The following PDCD5 variants were observed in gnomAD, a reference collection of about 807,000 sequenced individuals.
PDCD5 encodes the protein programmed cell death protein 5.
In PDCD5, 23 loss-of-function variants were observed where a neutral mutation model predicts 21.9. The ratio of observed to expected loss-of-function variants is 1.05; its 90% CI spans 0.76 to 1.49. The LOEUF (loss-of-function observed/expected upper bound fraction) is 1.49, where lower values mean the gene tolerates loss of function less well. Among genes scored for constraint, PDCD5 ranks in the 40% most tolerant of loss-of-function variants. The pLI, the probability that PDCD5 is intolerant of heterozygous loss-of-function variation, is 0.00. For missense variants in PDCD5, 152 were observed against 147.7 expected (o/e 1.03, Z -0.15); for synonymous variants, 45 against 49.4 (o/e 0.91, Z 0.37).
intron 2 of PDCD5, among the ~76,000 whole-genome samples, chr19:32,584,351 AAAG>A (rs1307220859): frequency 2.0e-5 from 3 of 152,194 alleles, no homozygotes; most frequent in South Asian, 4.1e-4. Context: ...TTGAAAGAAA[AAAG>A]AAACAAGTCC....
chr19:32,586,094 T>C (rs1313001080), intron 4 of PDCD5, 187 bp downstream of exon 4: 2 of 1,537,044 alleles, frequency 1.3e-6, no homozygotes, highest in South Asian at 2.4e-5. Context: ...TCTGCTTCGC[T>C]CCTTTCCTGG....
chr19:32,584,844 G>A (rs1971460840), intron 2 of PDCD5, 106 bp from the exon 3 acceptor site: 11 of 838,570 alleles, frequency 1.3e-5, no homozygotes, highest in South Asian at 6.7e-5. Context: ...TTTGTATACC[G>A]CAGGCCCCAT....
chr19:32,584,036 T>G (rs936319102), intron 2 of PDCD5, among the ~76,000 whole-genome samples: 4 of 151,642 alleles, frequency 2.6e-5, no homozygotes, highest in African/African-American at 9.7e-5. Flanking sequence ...TTCACCATGT[T>G]GGCCAGGCTG....
At chr19:32,584,137 C>A (rs1380613024) in intron 2 of PDCD5, among the ~76,000 whole-genome samples, 4 of 152,142 alleles carry the variant, frequency 2.6e-5, no homozygotes, top group South Asian at 2.1e-4. Flanking sequence ...TGGCCTAGAC[C>A]CCATCTCTTA....
At chr19:32,584,289 T>G (rs1385456768) in intron 2 of PDCD5, among the ~76,000 whole-genome samples, 2 of 152,212 alleles carry the variant, frequency 1.3e-5, no homozygotes, top group African/African-American at 4.8e-5. Context: ...CCCTCTCAGT[T>G]GAGCCAAAGC....
chr19:32,586,677 A>G, intron 4 of PDCD5, 181 bp from the exon 5 acceptor site: 1 of 1,312,620 alleles, frequency 7.6e-7, no homozygotes, highest in Non-Finnish European at 9.7e-7. Flanking sequence ...TAGCAGAGCA[A>G]ATTTTATTTG....
chr19:32,586,146 G>C (rs1971474258), intron 4 of PDCD5: 1 of 1,482,380 alleles, frequency 6.7e-7, no homozygotes, highest in Non-Finnish European at 8.9e-7. Context: ...CCCAATGACT[G>C]TTAGGGTCAG....
chr19:32,586,217 A>G, intron 4 of PDCD5: 2 of 1,441,856 alleles, frequency 1.4e-6, no homozygotes, highest in Non-Finnish European at 1.8e-6. Flanking sequence ...TTAAAATACT[A>G]CCAGTGTAAG....
rs756372501 is a variant in PDCD5 at position 32,584,960 on chromosome 19, A to G, written c.115A>G (p.Met39Val). ...ATGTTTTCGTTGTAGGGAAGCAGAAATGAGAAACAGTATCTTAGCCCAAGT... is the reference window on the plus strand; with the variant it reads ...ATGTTTTCGTTGTAGGGAAGCAGAAGTGAGAAACAGTATCTTAGCCCAAGT... ...QQEAKHREAE[M>V]RNSILAQVLD... Residue 39 changes from methionine to valine, a missense_variant, in exon 3 of 6, where the codon ATG (methionine) becomes GTG (valine). Transcript: ENST00000590247. 2.5e-6 allele frequency: 4 copies of G among 1,613,832 alleles called. No individual in the cohort carries two copies. In the South Asian group the frequency reaches 3.3e-5, roughly 13 times the overall value.
Position 32,581,450 on chromosome 19 carries a change from C to T in PDCD5, c.66+123C>T, listed in dbSNP as rs924518757. ...CCCGGGGCCCCGGTCCCCTGCGCTG[C>T]CCTGGCGGCCTCGTGGCCGGCTCAG... On this transcript the variant is annotated intron_variant, in intron 1 of 5. Transcript: ENST00000590247. 8 of 514,342 alleles carry T rather than the reference C, an allele frequency of 1.6e-5. No homozygotes were observed. In the African/African-American group the frequency reaches 1.6e-4, roughly 10 times the overall value. The allele number at this position is 514,342 out of a possible 1,614,324, so 31.9% of individuals were successfully genotyped here. A position where few individuals can be genotyped will look rare whatever the true frequency, so the allele number is the denominator to read the frequency against.
chr19:32,582,309 G>T, intron 2 of PDCD5, 77 bp downstream of exon 2: 1 of 1,277,860 alleles, frequency 7.8e-7, no homozygotes, highest in Non-Finnish European at 1.1e-6. Flanking sequence ...ATTTTAAGCA[G>T]GTGTGTGACT....
intron 1 of PDCD5, chr19:32,581,615 G>T (rs866938462): frequency 6.3e-6 from 2 of 318,942 alleles, no homozygotes; most frequent in Non-Finnish European, 1.1e-5. Flanking sequence ...CTGGATCCAA[G>T]CACAATCTCA....
intron 2 of PDCD5, 45 bp from the exon 3 acceptor site, chr19:32,584,905 C>T (rs369148351): frequency 7.0e-5 from 105 of 1,498,846 alleles, no homozygotes; most frequent in Non-Finnish European, 8.7e-5. Flanking sequence ...ATGGGAATGC[C>T]GACAGCTGTG....
chr19:32,587,225 T>G lies in PDCD5; in HGVS notation c.331-28T>G, dbSNP rs773813802. On this transcript the variant is annotated intron_variant, in intron 5 of 5. Coordinates refer to ENST00000590247, the MANE Select transcript of PDCD5 (RefSeq NM_004708.4). ...CTGAGTTATGCTTTATTAGAAATGT[T>G]CTGACACTCATTTAATTTTCCTCCC... 24 of 1,503,706 alleles carry G rather than the reference T, an allele frequency of 1.6e-5. No homozygotes were observed. The South Asian group carries it at 2.6e-4, about 17-fold the overall frequency. The allele number at this position is 1,503,706 out of a possible 1,614,324, so 93.1% of individuals were successfully genotyped here.
chr19:32,584,842 C>T (rs545231356), intron 2 of PDCD5, 108 bp from the exon 3 acceptor site: 2 of 831,114 alleles, frequency 2.4e-6, no homozygotes, highest in South Asian at 2.7e-5. Context: ...AGTTTGTATA[C>T]CGCAGGCCCC....
Position 32,585,873 on chromosome 19 carries a change from T to C in PDCD5, c.224T>C (p.Ile75Thr), listed in dbSNP as rs771024728. ...EKTKAVENYL[I>T]QMARYGQLSE... Reference sequence around the variant, plus strand: ...ACTAAAGCAGTAGAGAATTACCTTATACAGATGGCAAGATATGGACAACTA... The same window carrying C: ...ACTAAAGCAGTAGAGAATTACCTTACACAGATGGCAAGATATGGACAACTA... Residue 75 changes from isoleucine (I) to threonine (T), a missense_variant, in exon 4 of 6, where the codon ATA becomes ACA. Transcript: ENST00000590247. The C allele has an allele frequency of 8.7e-6, 14 of 1,612,198 alleles. No individual in the cohort carries two copies. In the South Asian group the frequency reaches 1.2e-4, roughly 14 times the overall value.
At position 32,584,967 on chromosome 19, in the gene PDCD5, A is replaced by G; in HGVS notation, c.122A>G (p.Asn41Ser). Residue 41 changes from asparagine (N) to serine (S), a missense_variant, in exon 3 of 6, where the codon AAC (asparagine) becomes AGC (serine). Transcript: ENST00000590247. Reference protein sequence around the residue: ...EAKHREAEMRNSILAQVLDQS... With the variant: ...EAKHREAEMRSSILAQVLDQS... Reference sequence around the variant, plus strand: ...CGTTGTAGGGAAGCAGAAATGAGAAACAGTATCTTAGCCCAAGTTCTGGAT... The same window carrying G: ...CGTTGTAGGGAAGCAGAAATGAGAAGCAGTATCTTAGCCCAAGTTCTGGAT... 1.9e-6 allele frequency: 3 copies of G among 1,613,928 alleles called. No homozygotes were observed. The highest frequency in any genetic ancestry group is 2.5e-6 in the Non-Finnish European group (3 of 1,179,806).
Position 32,581,248 on chromosome 19 carries a change from G to T in PDCD5, c.-14G>T. 6.7e-7 allele frequency: 1 copy of T among 1,502,760 alleles called. No individual in the cohort carries two copies. The allele number at this position is 1,502,760 out of a possible 1,614,324, so 93.1% of individuals were successfully genotyped here. A position where few individuals can be genotyped will look rare whatever the true frequency, so the allele number is the denominator to read the frequency against. ...CGAGAGTGACCGCGGCTGCTCCAGC[G>T]CTGACGCCGAGCCATGGCGGACGAG... On this transcript the variant is annotated 5_prime_UTR_variant, in exon 1 of 6. Coordinates refer to ENST00000590247, the MANE Select transcript of PDCD5 (RefSeq NM_004708.4).
chr19:32,582,358 A>C, intron 2 of PDCD5, 126 bp downstream of exon 2: 1 of 744,012 alleles, frequency 1.3e-6, no homozygotes, highest in Non-Finnish European at 2.4e-6. Context: ...ATTTGGCCAA[A>C]ATCATCCGCA....
Sources: allele counts gnomAD v4.1 joint callset (sites outside exome capture counted in the v4.1 genomes callset), GRCh38; gene constraint gnomAD v4.1.1; transcripts MANE v1.5; gene names NCBI Gene and HGNC (gene_info 2026-07-23, HGNC 2026-07-21).